ATG7: variants seen among roughly 807,000 people sequenced by gnomAD.
ATG7 encodes ubiquitin-like modifier-activating enzyme ATG7.
Under a neutral mutation model 82.4 loss-of-function variants are expected in ATG7, and 70 were observed. That is an observed-to-expected ratio of 0.85 (90% CI 0.70 to 1.04). ATG7 has a LOEUF of 1.04. ATG7 is among the 50% of genes least tolerant of loss of function. ATG7 has a pLI of 0.00. For synonymous variants in ATG7, 287 were observed against 313.0 expected, an observed-to-expected ratio of 0.92 and a Z score of 0.88; for missense variants, 792 against 864.3, an observed-to-expected ratio of 0.92 and a Z score of 1.05.
chr3:11,335,175 A>G (rs1952246598), intron 11 of ATG7, among the ~76,000 whole-genome samples: 1 of 151,922 alleles, frequency 6.6e-6, no homozygotes, highest in Non-Finnish European at 1.5e-5. Context: ...CTGTTTTTAG[A>G]TATTTGCATT....
chr3:11,554,397 C>T (rs1323305687), intron 20 of ATG7, among the ~76,000 whole-genome samples: 3 of 152,124 alleles, frequency 2.0e-5, no homozygotes. Flanking sequence ...CAGCACGTGC[C>T]CATGCCAGAA....
the ATG7 span, among the ~76,000 whole-genome samples, chr3:11,567,987 A>C: frequency 6.6e-6 from 1 of 152,142 alleles, no homozygotes. Flanking sequence ...ACGTCTGTTT[A>C]CTCAACCAGC....
At chr3:11,323,609 A>G (rs1950486997) in intron 9 of ATG7, among the ~76,000 whole-genome samples, 1 of 152,344 alleles carries the variant, frequency 6.6e-6, no homozygotes, top group South Asian at 2.1e-4. Flanking sequence ...TGACTCTTCT[A>G]CTTCATTCAG....
intron 20 of ATG7, among the ~76,000 whole-genome samples, chr3:11,468,277 C>T (rs926030992): frequency 6.7e-6 from 1 of 148,586 alleles, no homozygotes; most frequent in Non-Finnish European, 1.5e-5. Flanking sequence ...GCAGTCTCTG[C>T]GTAAGTGAAG....
At chr3:11,322,310 T>A (rs58192506) in intron 9 of ATG7, among the ~76,000 whole-genome samples, 4,162 of 152,314 alleles carry the variant, frequency 0.027, 186 homozygotes, top group African/African-American at 0.091. Context: ...AGTAAATGAT[T>A]TAAGAATCGC....
At position 11,429,028 on chromosome 3, in the gene ATG7, C is replaced by G. The variant is rs567993225; in HGVS notation, c.2079+2102C>G. ...GGTTTCATCCACGAGCCTGAGTTTT[C>G]TTTTTGAATTTTCCTCTACTAAATT... On this transcript the variant is annotated intron_variant, in intron 20 of 20. Coordinates refer to ENST00000693202, the MANE Select transcript of ATG7 (RefSeq NM_001349232.2). 9.4e-4 allele frequency among the ~76,000 whole-genome samples: 143 copies of G among 152,284 alleles called. 1 individual carries two copies. Among genetic ancestry groups the G allele is most frequent in the African/African-American group, 3.4e-3 (141 of 41,566 alleles).
intron 19 of ATG7, among the ~76,000 whole-genome samples, chr3:11,395,781 A>C (rs2079169477): frequency 6.6e-6 from 1 of 152,024 alleles, no homozygotes; most frequent in Non-Finnish European, 1.5e-5. Flanking sequence ...TCTACTAAAA[A>C]TACAAAAAAT....
chr3:11,333,151 G>A, intron 11 of ATG7, 58 bp downstream of exon 11: 1 of 1,472,208 alleles, frequency 6.8e-7, no homozygotes, highest in Non-Finnish European at 9.0e-7. Flanking sequence ...ACGGAACCAG[G>A]TTTACTTTCT....
At chr3:11,372,031 G>C (rs570385557) in intron 18 of ATG7, among the ~76,000 whole-genome samples, 2 of 151,436 alleles carry the variant, frequency 1.3e-5, no homozygotes, top group Non-Finnish European at 2.9e-5. Context: ...TTTGCATGCT[G>C]TCTGCCGTGT....
intron 18 of ATG7, 120 bp downstream of exon 18, chr3:11,364,854 G>C: frequency 9.8e-7 from 1 of 1,019,042 alleles, no homozygotes; most frequent in Non-Finnish European, 1.4e-6. Context: ...CTGCAGCTGG[G>C]ATTTCAATGG....
At chr3:11,540,491 A>AAATAAT (rs1305196162) in intron 20 of ATG7, among the ~76,000 whole-genome samples, 232 of 152,280 alleles carry the variant, frequency 1.5e-3, no homozygotes, top group African/African-American at 4.7e-3. Context: ...ATAAAAATAA[A>AAATAAT]TTCACTGGGC....
intron 3 of ATG7, among the ~76,000 whole-genome samples, chr3:11,294,613 C>CA (rs1028710357): frequency 2.0e-5 from 3 of 152,144 alleles, no homozygotes; most frequent in Non-Finnish European, 2.9e-5. Flanking sequence ...AGGGTGCATT[C>CA]AAATACATTT....
intron 19 of ATG7, among the ~76,000 whole-genome samples, chr3:11,410,978 A>C (rs2080836993): frequency 6.6e-6 from 1 of 152,140 alleles, no homozygotes; most frequent in African/African-American, 2.4e-5. Context: ...GAATTGCTGG[A>C]TCTAATAATT....
intron 1 of ATG7, among the ~76,000 whole-genome samples, chr3:11,278,462 G>A (rs1454333475): frequency 2.0e-5 from 3 of 152,282 alleles, no homozygotes; most frequent in East Asian, 1.9e-4. Flanking sequence ...TTCAGGGTCC[G>A]TGACTTCCCG....
At chr3:11,339,295 C>CAAAAAAAAAAAAA (rs1036935586) in intron 11 of ATG7, among the ~76,000 whole-genome samples, 1 of 89,676 alleles carries the variant, frequency 1.1e-5, no homozygotes, top group Admixed American at 1.2e-4. Flanking sequence ...GACTCTGTTT[C>CAAAAAAAAAAAAA]AAAAAAAAAA....
intron 20 of ATG7, among the ~76,000 whole-genome samples, chr3:11,503,301 A>C (rs1177758474): frequency 6.6e-6 from 1 of 152,224 alleles, no homozygotes; most frequent in African/African-American, 2.4e-5. Context: ...ACTAGACTAA[A>C]TTTGAAGGAA....
chr3:11,284,456 T>G (rs1943600673), intron 3 of ATG7, among the ~76,000 whole-genome samples: 2 of 152,258 alleles, frequency 1.3e-5, no homozygotes, highest in Admixed American at 1.3e-4. Flanking sequence ...CAAAGCTAAA[T>G]TTAAGTAGGT....
chr3:11,378,615 G>A (rs1350680339), intron 18 of ATG7, among the ~76,000 whole-genome samples: 1 of 148,868 alleles, frequency 6.7e-6, no homozygotes, highest in Non-Finnish European at 1.5e-5. Flanking sequence ...AACCCAGGAG[G>A]CAGAGGTTGC....
chr3:11,405,923 C>G (rs77827216), intron 19 of ATG7, among the ~76,000 whole-genome samples: 9,267 of 152,082 alleles, frequency 0.061, 305 homozygotes, highest in African/African-American at 0.08. Context: ...CCCACTGCAC[C>G]TGGCCATGTG....
Sources: gnomAD v4.1 joint callset for allele counts (sites outside exome capture counted in the v4.1 genomes callset) on GRCh38, gnomAD v4.1.1 for gene constraint, MANE v1.5 for transcripts, NCBI Gene and HGNC (gene_info 2026-07-23, HGNC 2026-07-21) for gene names.